The following PTPRR variants were observed in gnomAD, a reference collection of about 807,000 sequenced individuals.
PTPRR encodes receptor-type tyrosine-protein phosphatase R.
Under a neutral mutation model 77.2 loss-of-function variants are expected in PTPRR, and 38 were observed. That is an observed-to-expected ratio of 0.49 (90% CI 0.38 to 0.65). PTPRR has a LOEUF of 0.65. Among genes scored for constraint, PTPRR ranks in the 30% least tolerant of loss-of-function variants. The pLI is 0.00. For synonymous variants in PTPRR, 299 were observed against 283.1 expected, an observed-to-expected ratio of 1.06 and a Z score of -0.57; for missense variants, 744 against 799.2, an observed-to-expected ratio of 0.93 and a Z score of 0.83.
Position 70,754,792 on chromosome 12 carries a change from CTTCT to C in PTPRR, c.628-495_628-492del, listed in dbSNP as rs750196738. On this transcript the variant is annotated intron_variant, in intron 4 of 13. Transcript: ENST00000283228. ...ACAGCAACAATGCCAGCATTATTTC[CTTCT>C]TTCTTTTAATCACATCTTTTTTTTT... The C allele has an allele frequency of 4.8e-6, 7 of 1,457,642 alleles. No individual in the cohort carries two copies. The South Asian group carries it at 9.4e-5, about 20-fold the overall frequency. The allele number at this position is 1,457,642 out of a possible 1,614,324, so 90.3% of individuals were successfully genotyped here. A position where few individuals can be genotyped will look rare whatever the true frequency, so the allele number is the denominator to read the frequency against.
chr12:70,792,367 A>G (rs549687733), intron 2 of PTPRR, among the ~76,000 whole-genome samples: 4 of 152,260 alleles, frequency 2.6e-5, no homozygotes, highest in Admixed American at 6.5e-5. Context: ...CTTACCCCAT[A>G]TTTAATTTTT....
chr12:70,731,074 A>AAGAGAGGAAGGAAGGAGGAAGG (rs1889642291), intron 6 of PTPRR, among the ~76,000 whole-genome samples: 1 of 86,874 alleles, frequency 1.2e-5, no homozygotes, highest in Non-Finnish European at 2.4e-5. Flanking sequence ...GGAGGAAGGC[A>AAGAGAGGAAGGAAGGAGGAAGG]AGAGAGAGGA....
At chr12:70,900,129 T>G (rs1314456872) in intron 1 of PTPRR, among the ~76,000 whole-genome samples, 1 of 151,336 alleles carries the variant, frequency 6.6e-6, no homozygotes, top group Non-Finnish European at 1.5e-5. Context: ...ATCATTAGAA[T>G]TTTTTGTAGA....
chr12:70,802,849 C>T (rs991965968), intron 2 of PTPRR, among the ~76,000 whole-genome samples: 3 of 152,128 alleles, frequency 2.0e-5, no homozygotes, highest in South Asian at 2.1e-4. Flanking sequence ...AAAATTTCTT[C>T]CAATTTTGTG....
chr12:70,685,472 T>TAA (rs1887828387), intron 8 of PTPRR, among the ~76,000 whole-genome samples: 1 of 34,034 alleles, frequency 2.9e-5, no homozygotes, highest in African/African-American at 1.4e-4. Context: ...AGACTTCATC[T>TAA]CAAAAAAAAA....
chr12:70,728,426 C>T (rs1388816965), intron 6 of PTPRR, among the ~76,000 whole-genome samples: 1 of 142,420 alleles, frequency 7.0e-6, no homozygotes, highest in African/African-American at 2.6e-5. Flanking sequence ...TACAGGGATA[C>T]TCAACCTGTA....
At chr12:70,681,536 G>A (rs576394469) in intron 10 of PTPRR, among the ~76,000 whole-genome samples, 1 of 152,276 alleles carries the variant, frequency 6.6e-6, no homozygotes, top group African/African-American at 2.4e-5. Context: ...TGGGGAGATG[G>A]CGGTGTGGCA....
chr12:70,911,756 A>T (rs1893703653), intron 1 of PTPRR, among the ~76,000 whole-genome samples: 1 of 151,694 alleles, frequency 6.6e-6, no homozygotes, highest in Admixed American at 6.6e-5. Context: ...AACTGAAAAA[A>T]AAAAAAAAAA....
At chr12:70,749,171 AC>A (rs1254063561) in intron 5 of PTPRR, among the ~76,000 whole-genome samples, 2 of 152,130 alleles carry the variant, frequency 1.3e-5, no homozygotes, top group African/African-American at 4.8e-5. Flanking sequence ...AACAACAACA[AC>A]AAACAACAAC....
chr12:70,717,314 AAG>A (rs1889069547), intron 6 of PTPRR, among the ~76,000 whole-genome samples: 2 of 152,158 alleles, frequency 1.3e-5, no homozygotes, highest in Non-Finnish European at 2.9e-5. Flanking sequence ...TTTTCAAATA[AAG>A]AGAGAGTGTT....
intron 2 of PTPRR, among the ~76,000 whole-genome samples, chr12:70,825,262 A>T (rs1286875642): frequency 1.3e-5 from 2 of 152,158 alleles, no homozygotes; most frequent in Non-Finnish European, 2.9e-5. Flanking sequence ...TGGGCGACAG[A>T]GCAAGATTCT....
At chr12:70,731,795 ATG>A (rs1889672059) in intron 6 of PTPRR, among the ~76,000 whole-genome samples, 1 of 152,222 alleles carries the variant, frequency 6.6e-6, no homozygotes. Context: ...AACCTCTATT[ATG>A]TGTGTGGTAT....
intron 2 of PTPRR, among the ~76,000 whole-genome samples, chr12:70,822,449 T>C (rs1023516189): frequency 2.6e-5 from 4 of 152,168 alleles, no homozygotes; most frequent in Admixed American, 1.3e-4. Context: ...AAAATAATAA[T>C]TATAATATTC....
At chr12:70,813,097 A>G (rs1327952298) in intron 2 of PTPRR, among the ~76,000 whole-genome samples, 4 of 152,322 alleles carry the variant, frequency 2.6e-5, no homozygotes, top group African/African-American at 9.6e-5. Flanking sequence ...CTTGTATAAT[A>G]TGTGATCGCT....
chr12:70,845,448 C>T (rs769631906), intron 2 of PTPRR, among the ~76,000 whole-genome samples: 13 of 152,070 alleles, frequency 8.5e-5, no homozygotes, highest in Non-Finnish European at 8.8e-5. Flanking sequence ...CACAGTAGGA[C>T]GCATTTAGAA....
At chr12:70,688,693 A>G (rs1465167427) in intron 8 of PTPRR, among the ~76,000 whole-genome samples, 1 of 152,208 alleles carries the variant, frequency 6.6e-6, no homozygotes, top group East Asian at 1.9e-4. Flanking sequence ...CTGAGTATAT[A>G]TCCAAAGGAA....
intron 8 of PTPRR, among the ~76,000 whole-genome samples, chr12:70,696,424 T>A (rs987485283): frequency 6.6e-6 from 1 of 152,168 alleles, no homozygotes; most frequent in Admixed American, 6.6e-5. Flanking sequence ...TAGTTTCACA[T>A]ATAGTAGTGG....
intron 6 of PTPRR, among the ~76,000 whole-genome samples, chr12:70,734,628 C>T (rs1022882954): frequency 6.6e-6 from 1 of 152,048 alleles, no homozygotes; most frequent in African/African-American, 2.4e-5. Flanking sequence ...GGGACTTATT[C>T]CTGCTGCTCT....
chr12:70,747,931 C>T (rs1890264472), intron 5 of PTPRR, among the ~76,000 whole-genome samples: 1 of 152,072 alleles, frequency 6.6e-6, no homozygotes, highest in South Asian at 2.1e-4. Context: ...TCTCAACTGG[C>T]AGGGATTTTG....
Sources: allele counts gnomAD v4.1 joint callset (sites outside exome capture counted in the v4.1 genomes callset), GRCh38; gene constraint gnomAD v4.1.1; transcripts MANE v1.5; gene names NCBI Gene and HGNC (gene_info 2026-07-23, HGNC 2026-07-21).